The following REV3L variants were observed in gnomAD, a reference collection of about 807,000 sequenced individuals.
The protein encoded by REV3L is REV3 like, DNA directed polymerase zeta catalytic subunit.
REV3L carries 69 observed loss-of-function variants against 299.4 expected under a neutral mutation model. That is an observed-to-expected ratio of 0.23 (90% CI 0.19 to 0.28). The LOEUF is 0.28. Among genes scored for constraint, REV3L ranks in the 10% least tolerant of loss-of-function variants. The pLI is 1.00. For synonymous variants in REV3L, 1,238 were observed against 1,271.4 expected (o/e 0.97, Z 0.56); for missense variants, 3,128 against 3,693.8 (o/e 0.85, Z 3.97).
chr6:111,373,951 T>G lies in REV3L; in HGVS notation c.4404A>C (p.Lys1468Asn). ...CFVTSLRSPI[K>N]QIAWEQKQRG... ...TTTGCTTTTGCTCCCATGCTATTTG[T>G]TTGATTGGACTTCTCAAGGAAGTTA... Residue 1468 changes from lysine to asparagine, a missense_variant, in exon 13 of 32, where the codon AAA becomes AAC. Physicochemically the swap from Lys to Asn is moderately conservative, Grantham distance 94. Coordinates refer to ENST00000368802, the MANE Select transcript of REV3L (RefSeq NM_001372078.1). 6.2e-7 allele frequency: 1 copy of G among 1,614,162 alleles called. No individual in the cohort carries two copies.
At chr6:111,448,944 G>A (rs1469620277) in intron 1 of REV3L, among the ~76,000 whole-genome samples, 1 of 152,092 alleles carries the variant, frequency 6.6e-6, no homozygotes, top group East Asian at 1.9e-4. Flanking sequence ...TGGGATTACA[G>A]GCGTGAGCCA....
intron 7 of REV3L, 35 bp from the exon 8 acceptor site, chr6:111,388,120 T>C (rs1410854751): frequency 1.5e-6 from 2 of 1,379,036 alleles, no homozygotes; most frequent in Admixed American, 1.8e-5. Flanking sequence ...AAAATGTAAA[T>C]AGCAAATGAA....
chr6:111,361,487 AT>A (rs1357570152), intron 16 of REV3L: 1 of 151,978 alleles, frequency 6.6e-6, no homozygotes, highest in Non-Finnish European at 1.5e-5. Flanking sequence ...TCTGAAAACA[AT>A]TTTAGGTTAA....
intron 1 of REV3L, among the ~76,000 whole-genome samples, chr6:111,482,103 G>A (rs1325838850): frequency 6.6e-6 from 1 of 152,084 alleles, no homozygotes; most frequent in African/African-American, 2.4e-5. Flanking sequence ...TAAGGATGCT[G>A]CCCTGTCCCC....
At chr6:111,392,824 T>C (rs1782073828) in intron 5 of REV3L, 52 bp downstream of exon 5, 1 of 1,151,454 alleles carries the variant, frequency 8.7e-7, no homozygotes, top group Admixed American at 1.8e-5. Context: ...TGATTTCTGA[T>C]CACAACTAGG....
intron 13 of REV3L, among the ~76,000 whole-genome samples, chr6:111,369,861 A>ATG (rs1355252168): frequency 2.0e-5 from 3 of 148,412 alleles, no homozygotes; most frequent in East Asian, 3.9e-4. Flanking sequence ...TTTTTTTGAG[A>ATG]CAGTCTTGCT....
chr6:111,445,403 AC>A (rs1788728316), intron 1 of REV3L, among the ~76,000 whole-genome samples: 1 of 152,210 alleles, frequency 6.6e-6, no homozygotes, highest in Non-Finnish European at 1.5e-5. Context: ...TTTTTAAAAA[AC>A]AGCTAAAATA....
intron 4 of REV3L, among the ~76,000 whole-genome samples, chr6:111,394,393 T>G (rs370894878): frequency 6.6e-6 from 1 of 152,240 alleles, no homozygotes; most frequent in African/African-American, 2.4e-5. Context: ...ATTAGTGATG[T>G]TGAACATTTA....
intron 21 of REV3L, among the ~76,000 whole-genome samples, chr6:111,340,208 C>A (rs894646520): frequency 6.6e-6 from 1 of 152,146 alleles, no homozygotes; most frequent in Non-Finnish European, 1.5e-5. Flanking sequence ...CTTATATTAT[C>A]TTCTTCAGCT....
At chr6:111,428,030 AAAAG>A (rs1786396839) in intron 1 of REV3L, among the ~76,000 whole-genome samples, 1 of 152,144 alleles carries the variant, frequency 6.6e-6, no homozygotes, top group Non-Finnish European at 1.5e-5. Context: ...GAAAAAAAAA[AAAAG>A]AAAGAAAATT....
intron 1 of REV3L, among the ~76,000 whole-genome samples, chr6:111,481,601 T>C (rs918674717): frequency 6.6e-6 from 1 of 152,152 alleles, no homozygotes; most frequent in African/African-American, 2.4e-5. Context: ...AAACTGACTG[T>C]AGTAATAAGA....
At chr6:111,461,639 TGAA>T (rs1258517960) in intron 1 of REV3L, among the ~76,000 whole-genome samples, 1 of 151,744 alleles carries the variant, frequency 6.6e-6, no homozygotes, top group Non-Finnish European at 1.5e-5. Flanking sequence ...ACATAAAAGA[TGAA>T]GAGGAGAAAT....
intron 1 of REV3L, among the ~76,000 whole-genome samples, chr6:111,416,725 A>G (rs1440303816): frequency 2.0e-5 from 3 of 152,246 alleles, no homozygotes; most frequent in Admixed American, 2.0e-4. Flanking sequence ...TATTTTCACT[A>G]TTTAACCCTC....
intron 1 of REV3L, among the ~76,000 whole-genome samples, chr6:111,465,862 TAGTC>T (rs1791444779): frequency 7.0e-6 from 1 of 142,072 alleles, no homozygotes; most frequent in South Asian, 2.2e-4. Flanking sequence ...ATCGCAGAAA[TAGTC>T]AAACTGAAAG....
chr6:111,389,353 CACTT>C (rs1781670349), intron 6 of REV3L, 143 bp from the exon 7 acceptor site: 2 of 644,088 alleles, frequency 3.1e-6, no homozygotes, highest in Non-Finnish European at 5.4e-6. Flanking sequence ...TCCCAACCTA[CACTT>C]ACTATGTTAC....
intron 21 of REV3L, among the ~76,000 whole-genome samples, chr6:111,337,433 CAT>C (rs1172975527): frequency 5.3e-5 from 8 of 152,066 alleles, no homozygotes; most frequent in Admixed American, 2.6e-4. Context: ...ATAATGATAA[CAT>C]ATTTAATCGA....
chr6:111,445,597 G>A (rs1401890908), intron 1 of REV3L, among the ~76,000 whole-genome samples: 4 of 152,166 alleles, frequency 2.6e-5, no homozygotes, highest in African/African-American at 7.2e-5. Flanking sequence ...TAAAGGTAAT[G>A]TGGATTTCAA....
intron 1 of REV3L, among the ~76,000 whole-genome samples, chr6:111,451,584 TCTA>T (rs1219315449): frequency 6.6e-6 from 1 of 152,130 alleles, no homozygotes; most frequent in Non-Finnish European, 1.5e-5. Context: ...TGTGTTGCCT[TCTA>T]CTGATACTCT....
intron 2 of REV3L, among the ~76,000 whole-genome samples, chr6:111,412,720 T>C (rs1325173861): frequency 6.6e-6 from 1 of 151,834 alleles, no homozygotes; most frequent in Non-Finnish European, 1.5e-5. Context: ...TATAATTTTT[T>C]AGTTGTTTTA....
Sources: gnomAD v4.1 joint callset for allele counts (sites outside exome capture counted in the v4.1 genomes callset) on GRCh38, gnomAD v4.1.1 for gene constraint, MANE v1.5 for transcripts, NCBI Gene and HGNC (gene_info 2026-07-23, HGNC 2026-07-21) for gene names.